The following AFF3 variants were observed in gnomAD, a reference collection of about 807,000 sequenced individuals.
AFF3 encodes AF4/FMR2 family member 3.
In AFF3, 32 loss-of-function variants were observed where a neutral mutation model predicts 129.7. That is an observed-to-expected ratio of 0.25 (90% CI 0.19 to 0.33). The LOEUF is 0.33. Among genes scored for constraint, AFF3 ranks in the 10% least tolerant of loss-of-function variants. The pLI, the probability that AFF3 is intolerant of heterozygous loss-of-function variation, is 1.00. For synonymous variants in AFF3, 644 were observed against 635.4 expected (o/e 1.01, Z -0.20); for missense variants, 1,373 against 1,592.0 (o/e 0.86, Z 2.34).
intron 13 of AFF3, among the ~76,000 whole-genome samples, chr2:99,603,122 C>T (rs1179036438): frequency 6.6e-6 from 1 of 152,164 alleles, no homozygotes; most frequent in Non-Finnish European, 1.5e-5. Context: ...GATTTCTTTT[C>T]CAGCCTGTTA....
intron 24 of AFF3, among the ~76,000 whole-genome samples, chr2:99,552,842 C>A (rs182342569): frequency 6.6e-6 from 1 of 152,214 alleles, no homozygotes; most frequent in Admixed American, 6.5e-5. Flanking sequence ...AAACTGGACA[C>A]GTGTATTTCT....
chr2:99,958,579 G>A (rs1449872626), intron 7 of AFF3, among the ~76,000 whole-genome samples: 2 of 151,958 alleles, frequency 1.3e-5, no homozygotes, highest in African/African-American at 4.8e-5. Flanking sequence ...TAAGCACCGT[G>A]ATGGGAAATG....
chr2:99,876,291 G>T (rs1692291795), intron 7 of AFF3, among the ~76,000 whole-genome samples: 1 of 152,094 alleles, frequency 6.6e-6, no homozygotes. Context: ...ACAACCATTT[G>T]GATATCTCAC....
At chr2:99,760,674 T>A (rs1448604078) in intron 8 of AFF3, among the ~76,000 whole-genome samples, 1 of 152,202 alleles carries the variant, frequency 6.6e-6, no homozygotes, top group Non-Finnish European at 1.5e-5. Flanking sequence ...TCTATTGACC[T>A]ACTTTGGCCA....
intron 12 of AFF3, among the ~76,000 whole-genome samples, chr2:99,653,171 TC>T (rs1165362029): frequency 1.3e-5 from 2 of 152,158 alleles, no homozygotes; most frequent in Non-Finnish European, 2.9e-5. Flanking sequence ...TTAATTTAAC[TC>T]CCTACTCCTG....
chr2:99,953,472 C>A (rs1300496656), intron 7 of AFF3, among the ~76,000 whole-genome samples: 1 of 152,154 alleles, frequency 6.6e-6, no homozygotes, highest in Non-Finnish European at 1.5e-5. Flanking sequence ...TTGAAAATAC[C>A]TAGAAGAAGA....
chr2:99,553,615 A>G (rs1438861809), intron 24 of AFF3, among the ~76,000 whole-genome samples: 1 of 152,152 alleles, frequency 6.6e-6, no homozygotes, highest in Non-Finnish European at 1.5e-5. Flanking sequence ...CCCTCCTAAG[A>G]AAATAATCAG....
chr2:99,666,666 C>A (rs1254889091), intron 12 of AFF3, among the ~76,000 whole-genome samples: 1 of 152,014 alleles, frequency 6.6e-6, no homozygotes, highest in Non-Finnish European at 1.5e-5. Flanking sequence ...AAACTCATTT[C>A]AAATATAACC....
At chr2:99,604,878 A>G (rs968363026) in intron 13 of AFF3, among the ~76,000 whole-genome samples, 1 of 152,222 alleles carries the variant, frequency 6.6e-6, no homozygotes, top group Non-Finnish European at 1.5e-5. Context: ...CATCATAGAA[A>G]ACCAATCAGT....
chr2:99,916,086 T>C (rs1336831867), intron 7 of AFF3, among the ~76,000 whole-genome samples: 1 of 152,194 alleles, frequency 6.6e-6, no homozygotes, highest in Non-Finnish European at 1.5e-5. Flanking sequence ...AAGGTGTTAC[T>C]GTAGCCTGTG....
intron 8 of AFF3, among the ~76,000 whole-genome samples, chr2:99,771,331 A>G (rs1683463756): frequency 6.6e-6 from 1 of 151,850 alleles, no homozygotes; most frequent in Non-Finnish European, 1.5e-5. Flanking sequence ...TGATCTGTGC[A>G]GCAAACCACC....
intron 2 of AFF3, among the ~76,000 whole-genome samples, chr2:100,122,740 G>C (rs1238554011): frequency 6.6e-6 from 1 of 152,154 alleles, no homozygotes; most frequent in Non-Finnish European, 1.5e-5. Context: ...TCTAAAATGA[G>C]CATTTCCCAA....
At chr2:100,061,607 T>C (rs13397048) in intron 4 of AFF3, among the ~76,000 whole-genome samples, 1,897 of 152,244 alleles carry the variant, frequency 0.012, 43 homozygotes, top group African/African-American at 0.043. Flanking sequence ...TATGGGCAGG[T>C]ATTAAACTGG....
chr2:100,124,242 G>T (rs1387745108), intron 2 of AFF3, among the ~76,000 whole-genome samples: 3 of 152,070 alleles, frequency 2.0e-5, no homozygotes, highest in East Asian at 3.8e-4. Context: ...AATTATCAAA[G>T]AAATACTTGA....
chr2:99,955,937 G>A (rs373126445), intron 7 of AFF3, among the ~76,000 whole-genome samples: 4 of 152,218 alleles, frequency 2.6e-5, no homozygotes, highest in South Asian at 4.2e-4. Flanking sequence ...GGGGTGAGAG[G>A]AGAATAGAAT....
intron 11 of AFF3, among the ~76,000 whole-genome samples, chr2:99,692,202 G>C (rs1675735223): frequency 1.3e-5 from 2 of 152,192 alleles, no homozygotes; most frequent in African/African-American, 4.8e-5. Flanking sequence ...CCCAAATCCA[G>C]AGAGGACTCT....
At chr2:99,769,223 C>T (rs1235157363) in intron 8 of AFF3, among the ~76,000 whole-genome samples, 4 of 152,158 alleles carry the variant, frequency 2.6e-5, no homozygotes, top group Non-Finnish European at 4.4e-5. Context: ...CATTTTCAAA[C>T]AGCCTGTCTT....
intron 7 of AFF3, among the ~76,000 whole-genome samples, chr2:99,895,437 T>C (rs968395378): frequency 6.6e-6 from 1 of 152,242 alleles, no homozygotes; most frequent in African/African-American, 2.4e-5. Context: ...TTAGATACGC[T>C]GAAGTGCAGA....
chr2:99,735,326 C>T (rs1212396973), intron 10 of AFF3, among the ~76,000 whole-genome samples: 1 of 151,424 alleles, frequency 6.6e-6, no homozygotes, highest in African/African-American at 2.4e-5. Context: ...ATTGAATAAA[C>T]TTTTGGCTCC....
Sources: allele counts gnomAD v4.1 joint callset (sites outside exome capture counted in the v4.1 genomes callset), GRCh38; gene constraint gnomAD v4.1.1; transcripts MANE v1.5; gene names NCBI Gene and HGNC (gene_info 2026-07-23, HGNC 2026-07-21).